ACER3: variants seen among roughly 807,000 people sequenced by gnomAD.
The protein encoded by ACER3 is alkaline ceramidase 3.
ACER3 carries 16 observed loss-of-function variants against 48.9 expected under a neutral mutation model. That is an observed-to-expected ratio of 0.33 (90% CI 0.22 to 0.50). ACER3 has a LOEUF of 0.50. ACER3 is among the 20% of genes least tolerant of loss of function. ACER3 has a pLI of 0.98. For synonymous variants in ACER3, 109 were observed against 107.8 expected (o/e 1.01, Z -0.07); for missense variants, 227 against 326.0 (o/e 0.70, Z 2.34).
Position 76,908,909 on chromosome 11 carries a change from G to A in ACER3, c.104-17648G>A, listed in dbSNP as rs12274191. ...CAGTAACCAAAACAGCATGGTACTG[G>A]TACCAAAACAGATATATAGACCAAT... On this transcript the variant is annotated intron_variant, in intron 1 of 10. Transcript: ENST00000532485. 1.6e-3 allele frequency among the ~76,000 whole-genome samples: 250 copies of A among 152,194 alleles called. 2 individuals are homozygous for A. The highest frequency in any genetic ancestry group is 5.7e-3 in the African/African-American group (237 of 41,538).
At chr11:76,871,734 G>T (rs935903939) in intron 1 of ACER3, among the ~76,000 whole-genome samples, 1 of 152,156 alleles carries the variant, frequency 6.6e-6, no homozygotes, top group East Asian at 1.9e-4. Flanking sequence ...ATCAGAAAAC[G>T]AGCTGGAAAG....
intron 4 of ACER3, chr11:76,978,622 G>A (rs1948504944): frequency 6.6e-6 from 1 of 152,478 alleles, no homozygotes; most frequent in Non-Finnish European, 1.5e-5. Context: ...ATGGTGGGCT[G>A]AAAGAGATGT....
intron 3 of ACER3, among the ~76,000 whole-genome samples, chr11:76,967,057 C>G (rs1948156804): frequency 6.6e-6 from 1 of 152,068 alleles, no homozygotes. Flanking sequence ...TGATAGACCG[C>G]TAGCAAGACT....
intron 2 of ACER3, among the ~76,000 whole-genome samples, chr11:76,929,504 T>C (rs1349896950): frequency 1.3e-5 from 2 of 152,240 alleles, no homozygotes; most frequent in Non-Finnish European, 2.9e-5. Flanking sequence ...CTATGTTGAA[T>C]AGGAGTGGTG....
chr11:76,910,804 T>C (rs1565172050), intron 1 of ACER3, among the ~76,000 whole-genome samples: 1 of 152,182 alleles, frequency 6.6e-6, no homozygotes, highest in Non-Finnish European at 1.5e-5. Context: ...TTATAATTGG[T>C]CCAACCATTC....
intron 1 of ACER3, among the ~76,000 whole-genome samples, chr11:76,864,596 A>ATTTTTTTTTTTTTTTTTTTT (rs772026324): frequency 1.0e-5 from 1 of 99,926 alleles, no homozygotes; most frequent in Non-Finnish European, 2.0e-5. Flanking sequence ...TGGAATGGGT[A>ATTTTTTTTTTTTTTTTTTTT]TTTTTTTTTT....
chr11:76,910,245 A>G (rs952837592), intron 1 of ACER3, among the ~76,000 whole-genome samples: 2 of 152,192 alleles, frequency 1.3e-5, no homozygotes, highest in Admixed American at 6.5e-5. Flanking sequence ...CACGTTCTGC[A>G]CATGTGTCCC....
At chr11:77,002,230 A>G (rs1949047557) in intron 7 of ACER3, among the ~76,000 whole-genome samples, 1 of 152,168 alleles carries the variant, frequency 6.6e-6, no homozygotes, top group African/African-American at 2.4e-5. Context: ...AACACACTAT[A>G]TCCTCTATTC....
chr11:76,869,104 G>A (rs1945175711), intron 1 of ACER3, among the ~76,000 whole-genome samples: 1 of 152,236 alleles, frequency 6.6e-6, no homozygotes, highest in Non-Finnish European at 1.5e-5. Flanking sequence ...GATGTCTGAA[G>A]GAAGGGGGCA....
At position 76,867,468 on chromosome 11, in the gene ACER3, CAAAAA is replaced by C. The variant is rs1156610809; in HGVS notation, c.103+6414_103+6418del. Among the ~76,000 whole-genome samples the C allele has an allele frequency of 4.1e-4, 8 of 19,636 alleles. No homozygotes were observed. In the Admixed American group the frequency reaches 6.2e-3, roughly 15 times the overall value. 12.9% of individuals were successfully genotyped at this position (19,636 alleles called of 152,430 possible). ...TTGGTGACAGAGTGAGACTCTGTCT[CAAAAA>C]AAAAAAAAAAAAAAAAAAAAAAAAG... is the stretch of plus-strand genomic sequence containing the variant. On this transcript the variant is annotated intron_variant, in intron 1 of 10. Transcript: ENST00000532485.
chr11:76,882,880 T>A (rs1403239027), intron 1 of ACER3, among the ~76,000 whole-genome samples: 1 of 152,224 alleles, frequency 6.6e-6, no homozygotes, highest in Non-Finnish European at 1.5e-5. Flanking sequence ...CAACCTGTTA[T>A]ATGCACGTGT....
chr11:76,987,434 G>A (rs1035116231), intron 5 of ACER3, among the ~76,000 whole-genome samples: 1 of 152,132 alleles, frequency 6.6e-6, no homozygotes, highest in Non-Finnish European at 1.5e-5. Context: ...AACAGCTTTT[G>A]CAGGATAGAT....
At chr11:76,928,471 T>C (rs1946898022) in intron 2 of ACER3, among the ~76,000 whole-genome samples, 1 of 152,234 alleles carries the variant, frequency 6.6e-6, no homozygotes, top group Admixed American at 6.5e-5. Flanking sequence ...TTTAATTAGA[T>C]CCCATTTGTC....
chr11:76,934,749 C>G (rs551456325), intron 2 of ACER3, among the ~76,000 whole-genome samples: 1 of 142,098 alleles, frequency 7.0e-6, no homozygotes, highest in Non-Finnish European at 1.5e-5. Context: ...AGAGGGAGAC[C>G]GTGGGGAGAC....
chr11:76,984,480 G>T (rs1948646927), intron 4 of ACER3, among the ~76,000 whole-genome samples: 3 of 152,102 alleles, frequency 2.0e-5, no homozygotes, highest in African/African-American at 7.2e-5. Flanking sequence ...ATAAGAGTTG[G>T]TCCAATTCCC....
At chr11:76,968,316 T>C (rs1948193018) in intron 3 of ACER3, among the ~76,000 whole-genome samples, 1 of 151,822 alleles carries the variant, frequency 6.6e-6, no homozygotes, top group Non-Finnish European at 1.5e-5. Flanking sequence ...TGGAAGAACA[T>C]TCCATGCTCA....
At chr11:76,968,062 TCTC>T (rs1948186523) in intron 3 of ACER3, among the ~76,000 whole-genome samples, 1 of 152,096 alleles carries the variant, frequency 6.6e-6, no homozygotes, top group African/African-American at 2.4e-5. Flanking sequence ...CAGCCCAAAA[TCTC>T]CTTAGGCTGA....
At chr11:76,897,555 AAC>A (rs1175047378) in intron 1 of ACER3, among the ~76,000 whole-genome samples, 1 of 152,144 alleles carries the variant, frequency 6.6e-6, no homozygotes, top group Non-Finnish European at 1.5e-5. Context: ...ATTAAAAAAA[AAC>A]ACGTGTTATT....
chr11:76,899,625 T>C (rs1946030263), intron 1 of ACER3, among the ~76,000 whole-genome samples: 1 of 152,226 alleles, frequency 6.6e-6, no homozygotes, highest in South Asian at 2.1e-4. Flanking sequence ...TTAAAGTTAA[T>C]TGTCTTTTTA....
Sources: allele counts gnomAD v4.1 joint callset (sites outside exome capture counted in the v4.1 genomes callset), GRCh38; gene constraint gnomAD v4.1.1; transcripts MANE v1.5; gene names NCBI Gene and HGNC (gene_info 2026-07-23, HGNC 2026-07-21).